Variants in TRMO observed in about 807,000 individuals in gnomAD.
TRMO encodes the protein tRNA methyltransferase O.
Under a neutral mutation model 37.2 loss-of-function variants are expected in TRMO, and 30 were observed. That is an observed-to-expected ratio of 0.81 (90% CI 0.60 to 1.09). The LOEUF (loss-of-function observed/expected upper bound fraction) is 1.09. Among genes scored for constraint, TRMO ranks in the 50% least tolerant of loss-of-function variants. The pLI is 0.00. For missense variants in TRMO, 552 were observed against 549.5 expected, an observed-to-expected ratio of 1.00 and a Z score of -0.05; for synonymous variants, 239 against 199.4, an observed-to-expected ratio of 1.20 and a Z score of -1.67.
chr9:97,908,404 T>C (rs1446014285), intron 4 of TRMO, among the ~76,000 whole-genome samples: 3 of 109,382 alleles, frequency 2.7e-5, no homozygotes, highest in Non-Finnish European at 5.2e-5. Context: ...AGAGCGAGAC[T>C]CCGTCTCAAA....
At chr9:97,902,913 C>T (rs1266418629), downstream of TRMO, among the ~76,000 whole-genome samples, 1 of 152,126 alleles carries the variant, frequency 6.6e-6, no homozygotes, top group Non-Finnish European at 1.5e-5. Flanking sequence ...GTACACAGGA[C>T]CTCTACTATT....
intron 1 of TRMO, among the ~76,000 whole-genome samples, chr9:97,917,071 G>A (rs1403357106): frequency 2.0e-5 from 3 of 152,072 alleles, no homozygotes; most frequent in Admixed American, 6.6e-5. Flanking sequence ...GATTATAGGC[G>A]TGAGCCATAG....
chr9:97,916,141 C>T, intron 2 of TRMO, 23 bp downstream of exon 2: 1 of 1,561,296 alleles, frequency 6.4e-7, no homozygotes, highest in Non-Finnish European at 8.7e-7. Flanking sequence ...CAAAATCCTA[C>T]ATCTAACTAT....
chr9:97,898,423 C>T, the TRMO span, among the ~76,000 whole-genome samples: 4 of 152,114 alleles, frequency 2.6e-5, no homozygotes, highest in African/African-American at 9.7e-5. Flanking sequence ...CCTTGACTTC[C>T]TGGGCTCAGG....
In TRMO at chr9:97,913,384, G is replaced by T; in HGVS notation, c.409+17C>A. 1 of 1,613,606 alleles carries T rather than the reference G, an allele frequency of 6.2e-7. No homozygotes were observed. The highest frequency in any genetic ancestry group is 1.1e-5 in the South Asian group (1 of 91,074). ...TTGGGTGAGGAAAAAGGTAAAAGTA[G>T]AAATGAAATGGGTTACCTTCTACCT... On this transcript the variant is annotated intron_variant, in intron 3 of 4. Coordinates refer to ENST00000375119, the MANE Select transcript of TRMO (RefSeq NM_016481.5).
At chr9:97,916,757 G>A (rs939765109) in intron 1 of TRMO, among the ~76,000 whole-genome samples, 8 of 148,976 alleles carry the variant, frequency 5.4e-5, no homozygotes, top group South Asian at 4.2e-4. Context: ...CCAGGCTGGA[G>A]TGCAGTGGCC....
chr9:97,910,715 G>A, intron 3 of TRMO, 99 bp from the exon 4 acceptor site: 1 of 1,334,866 alleles, frequency 7.5e-7, no homozygotes, highest in Non-Finnish European at 1.0e-6. Flanking sequence ...ACGCCTCACT[G>A]CACTTACTCA....
At chr9:97,903,744 C>G (rs1825737432), downstream of TRMO, among the ~76,000 whole-genome samples, 1 of 152,128 alleles carries the variant, frequency 6.6e-6, no homozygotes, top group Admixed American at 6.6e-5. Flanking sequence ...TATTTTATCA[C>G]CAAAACCTAA....
chr9:97,921,155 G>A (rs566838040), intron 1 of TRMO, among the ~76,000 whole-genome samples: 1 of 152,334 alleles, frequency 6.6e-6, no homozygotes, highest in African/African-American at 2.4e-5. Flanking sequence ...ACTTTAGAAT[G>A]TACACAAACA....
In TRMO at chr9:97,910,155, T is replaced by C. The variant is rs200537393; in HGVS notation, c.871A>G (p.Arg291Gly). 1.1e-5 allele frequency: 17 copies of C among 1,614,220 alleles called. No homozygotes were observed. Among genetic ancestry groups the C allele is most frequent in the Non-Finnish European group, 1.4e-5 (16 of 1,180,024 alleles). ...SEKGTDKKLE[R>G]VEGAAVLQGS... Reference sequence around the variant, plus strand: ...TGCAAGACTGCTGCTCCTTCCACTCTTTCTAGCTTCTTGTCTGTACCTTTC... The same window carrying C: ...TGCAAGACTGCTGCTCCTTCCACTCCTTCTAGCTTCTTGTCTGTACCTTTC... The change falls in exon 4 of 5, where the codon AGA becomes GGA. Residue 291 changes from arginine to glycine, a missense_variant. Physicochemically the swap from Arg to Gly is moderately radical, Grantham distance 125. Coordinates refer to ENST00000375119, the MANE Select transcript of TRMO (RefSeq NM_016481.5).
intron 2 of TRMO, 43 bp from the exon 3 acceptor site, chr9:97,913,601 G>A: frequency 7.5e-7 from 1 of 1,339,390 alleles, no homozygotes. Context: ...TAAGAAAAGA[G>A]CACAAGTTAT....
At chr9:97,919,443 G>A (rs1336685757) in intron 1 of TRMO, among the ~76,000 whole-genome samples, 1 of 135,430 alleles carries the variant, frequency 7.4e-6, no homozygotes, top group African/African-American at 2.5e-5. Context: ...GAAAGGGAAA[G>A]AAAGGAAAGA....
At chr9:97,910,892 C>T (rs759901999) in intron 3 of TRMO, 2 of 571,536 alleles carry the variant, frequency 3.5e-6, no homozygotes, top group Non-Finnish European at 6.4e-6. Context: ...TTCCTACAGT[C>T]CCCATAGAGA....
intron 3 of TRMO, 94 bp downstream of exon 3, chr9:97,913,307 C>G: frequency 7.0e-7 from 1 of 1,421,602 alleles, no homozygotes; most frequent in South Asian, 1.2e-5. Flanking sequence ...ATCATTGGTA[C>G]TCGTCTGAAT....
In TRMO at chr9:97,916,159, C is replaced by G; in HGVS notation, c.251+5G>C. The stretch of plus-strand genomic sequence containing the variant: ...AATCCTACATCTAACTATAAAGCAA[C>G]TTACCAAACATGAGAAAACTGTTCT... On this transcript the variant is annotated splice_donor_5th_base_variant and intron_variant, in intron 2 of 4. Transcript: ENST00000375119. 6.3e-7 allele frequency: 1 copy of G among 1,579,030 alleles called. No individual in the cohort carries two copies. Among genetic ancestry groups the G allele is most frequent in the South Asian group, 1.2e-5 (1 of 85,384 alleles).
At chr9:97,905,793 A>G (rs1825829421) in intron 4 of TRMO, among the ~76,000 whole-genome samples, 1 of 152,146 alleles carries the variant, frequency 6.6e-6, no homozygotes, top group African/African-American at 2.4e-5. Context: ...GCAGCCAAAA[A>G]TCACTGTGGG....
chr9:97,922,027 C>G (rs1020239879), intron 1 of TRMO, among the ~76,000 whole-genome samples: 1 of 152,154 alleles, frequency 6.6e-6, no homozygotes, highest in African/African-American at 2.4e-5. Flanking sequence ...CAGAAACTTT[C>G]CCCCTTCTCT....
At chr9:97,915,047 C>G (rs1474189828) in intron 2 of TRMO, among the ~76,000 whole-genome samples, 1 of 152,216 alleles carries the variant, frequency 6.6e-6, no homozygotes, top group Non-Finnish European at 1.5e-5. Flanking sequence ...CTAATCTACT[C>G]TTGTCCCCAA....
At chr9:97,917,672 A>G (rs7861658) in intron 1 of TRMO, among the ~76,000 whole-genome samples, 45,671 of 151,848 alleles carry the variant, frequency 0.3, 7,695 homozygotes, top group Non-Finnish European at 0.37. Context: ...GCTGTGTTTT[A>G]TTTTTTGTTT....
Sources: gnomAD v4.1 joint callset for allele counts (sites outside exome capture counted in the v4.1 genomes callset) on GRCh38, gnomAD v4.1.1 for gene constraint, MANE v1.5 for transcripts, NCBI Gene and HGNC (gene_info 2026-07-23, HGNC 2026-07-21) for gene names.